The following PTPRT variants were observed in gnomAD, a reference collection of about 807,000 sequenced individuals.
PTPRT encodes the protein protein tyrosine phosphatase receptor type T.
Under a neutral mutation model 176.8 loss-of-function variants are expected in PTPRT, and 56 were observed. The observed-to-expected ratio is 0.32, with a 90% CI of 0.26 to 0.40. The LOEUF (loss-of-function observed/expected upper bound fraction) is 0.40, where lower values mean the gene tolerates loss of function less well. Ranked by LOEUF, PTPRT falls within the 10% of genes least tolerant of loss-of-function variation. The pLI is 1.00. For synonymous variants in PTPRT, 783 were observed against 739.0 expected (o/e 1.06, Z -0.96); for missense variants, 1,540 against 1,908.2 (o/e 0.81, Z 3.60).
intron 23 of PTPRT, among the ~76,000 whole-genome samples, chr20:42,107,572 A>C (rs1483560366): frequency 6.6e-6 from 1 of 152,012 alleles, no homozygotes; most frequent in African/African-American, 2.4e-5. Flanking sequence ...ACTCAACGAG[A>C]CTCTATGGGC....
intron 1 of PTPRT, among the ~76,000 whole-genome samples, chr20:43,153,672 CAAG>C (rs1184103412): frequency 9.2e-5 from 14 of 152,072 alleles, no homozygotes; most frequent in African/African-American, 3.1e-4. Flanking sequence ...AACATGGCCT[CAAG>C]AAAGTCTCAA....
chr20:42,374,870 A>G (rs1202823034), intron 9 of PTPRT, among the ~76,000 whole-genome samples: 4 of 152,224 alleles, frequency 2.6e-5, no homozygotes. Context: ...AGAAGTTAGT[A>G]ACAACTAGAA....
At chr20:42,966,673 T>C (rs1982312940) in intron 1 of PTPRT, among the ~76,000 whole-genome samples, 1 of 152,212 alleles carries the variant, frequency 6.6e-6, no homozygotes, top group Non-Finnish European at 1.5e-5. Flanking sequence ...AAAATGGTGC[T>C]GCTTCCCCCG....
chr20:43,085,306 T>C (rs1426969679), intron 1 of PTPRT, among the ~76,000 whole-genome samples: 2 of 152,170 alleles, frequency 1.3e-5, no homozygotes, highest in African/African-American at 4.8e-5. Context: ...CTCTACAAGG[T>C]GTATGGCATT....
chr20:43,095,763 C>CTCCTTCTCTCTCTG (rs1459992497), intron 1 of PTPRT, among the ~76,000 whole-genome samples: 1 of 150,774 alleles, frequency 6.6e-6, no homozygotes. Context: ...CCTTCTCTCT[C>CTCCTTCTCTCTCTG]CAACCTCTCC....
At chr20:43,151,322 A>G (rs1330465108) in intron 1 of PTPRT, among the ~76,000 whole-genome samples, 1 of 151,220 alleles carries the variant, frequency 6.6e-6, no homozygotes, top group Non-Finnish European at 1.5e-5. Context: ...TCAAACAAAA[A>G]AAAAAAAAAA....
At position 42,106,770 on chromosome 20, in the gene PTPRT, G is replaced by T; in HGVS notation, c.3390+16C>A. ...GGGCTACAGGTGGCCAACTGTCTTG[G>T]CCCCCTAGGACTCACCTCTGTCTGT... On this transcript the variant is annotated intron_variant, in intron 24 of 30. Coordinates refer to ENST00000373187, the MANE Select transcript of PTPRT (RefSeq NM_007050.6). The T allele has an allele frequency of 6.2e-7, 1 of 1,608,732 alleles. No homozygotes were observed. Among genetic ancestry groups the T allele is most frequent in the African/African-American group, 1.3e-5 (1 of 74,868 alleles).
chr20:43,093,074 A>G (rs540816288), intron 1 of PTPRT, among the ~76,000 whole-genome samples: 131 of 152,358 alleles, frequency 8.6e-4, no homozygotes, highest in Non-Finnish European at 1.6e-3. Context: ...ATCCCAAGGA[A>G]GGTTCATTAT....
chr20:42,126,929 G>A (rs891268772), intron 19 of PTPRT, among the ~76,000 whole-genome samples: 6 of 152,198 alleles, frequency 3.9e-5, no homozygotes, highest in African/African-American at 4.8e-5. Flanking sequence ...TGGCAGAGAC[G>A]GTGTTCATCT....
At chr20:43,148,888 C>G (rs1434224551) in intron 1 of PTPRT, among the ~76,000 whole-genome samples, 3 of 152,130 alleles carry the variant, frequency 2.0e-5, no homozygotes, top group African/African-American at 7.2e-5. Context: ...TGCAAAACAT[C>G]AGTAGTATCT....
At chr20:42,243,955 C>T (rs527604811) in intron 14 of PTPRT, among the ~76,000 whole-genome samples, 1 of 152,242 alleles carries the variant, frequency 6.6e-6, no homozygotes, top group South Asian at 2.1e-4. Flanking sequence ...CTGCCATTAG[C>T]ATATTAGTAA....
At chr20:42,983,913 C>A (rs1983417712) in intron 1 of PTPRT, among the ~76,000 whole-genome samples, 1 of 152,230 alleles carries the variant, frequency 6.6e-6, no homozygotes, top group Admixed American at 6.5e-5. Context: ...CCCTTCTCCA[C>A]CACCAACACA....
intron 13 of PTPRT, among the ~76,000 whole-genome samples, chr20:42,268,532 T>A (rs1007999889): frequency 6.6e-6 from 1 of 152,120 alleles, no homozygotes; most frequent in Non-Finnish European, 1.5e-5. Flanking sequence ...AACTCCCACC[T>A]CCCTTTGGGA....
intron 1 of PTPRT, among the ~76,000 whole-genome samples, chr20:43,140,354 G>C (rs2013962685): frequency 6.6e-6 from 1 of 151,804 alleles, no homozygotes; most frequent in African/African-American, 2.4e-5. Context: ...TACATTTCCT[G>C]CACATGAACA....
In PTPRT at chr20:42,119,957, A is replaced by C; in HGVS notation, c.2862T>G (p.Pro954=). 6.2e-7 allele frequency: 1 copy of C among 1,608,996 alleles called. No homozygotes were observed. The change falls in exon 20 of 31, where the codon CCT becomes CCG. Residue 954 remains proline (P), a synonymous_variant. Coordinates refer to ENST00000373187, the MANE Select transcript of PTPRT (RefSeq NM_007050.6). ...NANYIDGYHR[P]RHYIATQGPM... The stretch of plus-strand genomic sequence containing the variant: ...TACCTTGAGTCGCAATGTAGTGCCG[A>C]GGTCGATGGTATCCCTGGATAACAG...
chr20:42,220,993 T>G (rs1311109553), intron 15 of PTPRT, among the ~76,000 whole-genome samples: 1 of 152,166 alleles, frequency 6.6e-6, no homozygotes, highest in Non-Finnish European at 1.5e-5. Context: ...GGTAGAGTTT[T>G]TTTGTTTTCT....
At chr20:42,381,857 C>G (rs1351318039) in intron 9 of PTPRT, among the ~76,000 whole-genome samples, 1 of 152,156 alleles carries the variant, frequency 6.6e-6, no homozygotes, top group African/African-American at 2.4e-5. Context: ...ACGATTCAGA[C>G]ACAAACTCCA....
intron 1 of PTPRT, among the ~76,000 whole-genome samples, chr20:43,107,234 A>C (rs2012656354): frequency 6.6e-6 from 1 of 152,248 alleles, no homozygotes; most frequent in Non-Finnish European, 1.5e-5. Flanking sequence ...GGAAGAAAAT[A>C]GTCTCGGATT....
intron 15 of PTPRT, among the ~76,000 whole-genome samples, chr20:42,216,770 A>C (rs1356402752): frequency 2.0e-5 from 3 of 152,008 alleles, no homozygotes; most frequent in Non-Finnish European, 4.4e-5. Context: ...TTCTGCACCA[A>C]ATTTCTGTAT....
Sources: allele counts gnomAD v4.1 joint callset (sites outside exome capture counted in the v4.1 genomes callset), GRCh38; gene constraint gnomAD v4.1.1; transcripts MANE v1.5; gene names NCBI Gene and HGNC (gene_info 2026-07-23, HGNC 2026-07-21).